The following ATP8A2 variants were observed in gnomAD, a reference collection of about 807,000 sequenced individuals.
ATP8A2 encodes the protein phospholipid-transporting ATPase IB.
ATP8A2 carries 100 observed loss-of-function variants against 165.6 expected under a neutral mutation model. The observed-to-expected ratio is 0.60, with a 90% confidence interval of 0.51 to 0.71. The LOEUF (loss-of-function observed/expected upper bound fraction) is 0.71, where lower values mean the gene tolerates loss of function less well. Among genes scored for constraint, ATP8A2 ranks in the 30% least tolerant of loss-of-function variants. ATP8A2 has a pLI of 0.00. For missense variants in ATP8A2, 1,227 were observed against 1,479.5 expected, an observed-to-expected ratio of 0.83 and a Z score of 2.80; for synonymous variants, 543 against 548.8, an observed-to-expected ratio of 0.99 and a Z score of 0.15.
At chr13:25,383,430 T>A (rs1313249944) in intron 1 of ATP8A2, among the ~76,000 whole-genome samples, 1 of 152,204 alleles carries the variant, frequency 6.6e-6, no homozygotes, top group Non-Finnish European at 1.5e-5. Flanking sequence ...TTTCCTAGTT[T>A]TGAGTTTGAA....
chr13:25,718,684 A>G (rs1172015710), intron 25 of ATP8A2, among the ~76,000 whole-genome samples: 1 of 152,230 alleles, frequency 6.6e-6, no homozygotes. Flanking sequence ...CAGAGTGTGA[A>G]TCACAGAAAG....
At chr13:25,482,145 A>C (rs537334775) in intron 2 of ATP8A2, among the ~76,000 whole-genome samples, 1 of 152,302 alleles carries the variant, frequency 6.6e-6, no homozygotes, top group South Asian at 2.1e-4. Context: ...CTCTGATAGC[A>C]TCTTCCCAAA....
intron 28 of ATP8A2, among the ~76,000 whole-genome samples, 165 bp downstream of exon 28, chr13:25,828,357 A>G (rs1331328513): frequency 6.6e-6 from 1 of 152,208 alleles, no homozygotes; most frequent in Non-Finnish European, 1.5e-5. Flanking sequence ...CATCCTGCAG[A>G]AGCCCAAACT....
intron 2 of ATP8A2, among the ~76,000 whole-genome samples, chr13:25,504,669 A>G (rs1402593322): frequency 7.0e-6 from 1 of 141,946 alleles, no homozygotes; most frequent in Non-Finnish European, 1.5e-5. Context: ...GAACCCGGGA[A>G]GCGGAGCTTG....
chr13:25,600,899 A>T (rs2138369871), intron 24 of ATP8A2, among the ~76,000 whole-genome samples: 1 of 152,324 alleles, frequency 6.6e-6, no homozygotes, highest in East Asian at 1.9e-4. Context: ...TGTAGGCAGG[A>T]AGTAGGCATC....
chr13:25,784,282 G>C (rs2044965700), intron 27 of ATP8A2, among the ~76,000 whole-genome samples: 1 of 152,172 alleles, frequency 6.6e-6, no homozygotes, highest in Admixed American at 6.5e-5. Context: ...AGAACTTCCA[G>C]GGCTCACGTG....
At chr13:25,726,078 G>C (rs906445935) in intron 25 of ATP8A2, among the ~76,000 whole-genome samples, 1 of 152,120 alleles carries the variant, frequency 6.6e-6, no homozygotes, top group Non-Finnish European at 1.5e-5. Flanking sequence ...AAATATTTTG[G>C]ACCCGTTTGT....
At chr13:25,702,159 T>G (rs989581500) in intron 25 of ATP8A2, among the ~76,000 whole-genome samples, 1 of 152,180 alleles carries the variant, frequency 6.6e-6, no homozygotes, top group Non-Finnish European at 1.5e-5. Flanking sequence ...CAAAATATAA[T>G]AGTTGTGAGA....
intron 33 of ATP8A2, among the ~76,000 whole-genome samples, chr13:25,877,209 T>C (rs1349550263): frequency 6.6e-6 from 1 of 152,174 alleles, no homozygotes; most frequent in African/African-American, 2.4e-5. Context: ...CCAGATGCCA[T>C]TTTAGGCCAC....
chr13:25,795,985 T>C (rs979428386), intron 27 of ATP8A2, among the ~76,000 whole-genome samples: 5 of 152,020 alleles, frequency 3.3e-5, no homozygotes, highest in Non-Finnish European at 7.4e-5. Flanking sequence ...GGTCTTGCTC[T>C]GTCACCCAGG....
intron 1 of ATP8A2, among the ~76,000 whole-genome samples, chr13:25,410,897 C>T (rs2033946139): frequency 1.3e-5 from 2 of 152,202 alleles, no homozygotes; most frequent in Admixed American, 6.5e-5. Context: ...TTTTCACAAC[C>T]ACTCCTTTAA....
In ATP8A2 at chr13:25,632,744, T is replaced by C. The variant is rs540145880; in HGVS notation, c.2211+43045T>C. 9.2e-5 allele frequency among the ~76,000 whole-genome samples: 14 copies of C among 152,208 alleles called. No homozygotes were observed. In the South Asian group the frequency reaches 2.7e-3, roughly 29 times the overall value. On this transcript the variant is annotated intron_variant, in intron 24 of 36. Coordinates refer to ENST00000381655, the MANE Select transcript of ATP8A2 (RefSeq NM_016529.6). ...TGTGGGCCAGTCCCCTGGGAGTACCTTTAATTTGGTAGAGATTCAGAGGAA... is the reference window on the plus strand; with the variant it reads ...TGTGGGCCAGTCCCCTGGGAGTACCCTTAATTTGGTAGAGATTCAGAGGAA...
At chr13:25,472,843 C>T (rs1165223947) in intron 2 of ATP8A2, among the ~76,000 whole-genome samples, 1 of 152,204 alleles carries the variant, frequency 6.6e-6, no homozygotes, top group African/African-American at 2.4e-5. Flanking sequence ...CTACTTTCCT[C>T]AACCCTAAGC....
At chr13:25,901,763 G>A (rs951322295) in intron 33 of ATP8A2, among the ~76,000 whole-genome samples, 11 of 152,194 alleles carry the variant, frequency 7.2e-5, no homozygotes, top group African/African-American at 9.7e-5. Context: ...TAGTAAAGCC[G>A]TGTAGGCTTG....
intron 2 of ATP8A2, among the ~76,000 whole-genome samples, chr13:25,513,284 C>T (rs571110153): frequency 0.012 from 1,726 of 144,566 alleles, 33 homozygotes; most frequent in African/African-American, 0.041. Context: ...CAGACGGGGT[C>T]GCGGCCGGGT....
intron 30 of ATP8A2, among the ~76,000 whole-genome samples, chr13:25,857,573 T>TTCCC (rs2138741116): frequency 7.3e-6 from 1 of 137,228 alleles, no homozygotes; most frequent in African/African-American, 2.8e-5. Context: ...TTTTTTCCTT[T>TTCCC]TTTTTTTTTT....
chr13:25,906,325 A>G (rs1282241209), intron 33 of ATP8A2, among the ~76,000 whole-genome samples: 2 of 139,160 alleles, frequency 1.4e-5, no homozygotes, highest in Non-Finnish European at 3.0e-5. Flanking sequence ...CTTCTTTTGT[A>G]TTACAGCTAC....
chr13:25,671,316 A>C lies in ATP8A2; in HGVS notation c.2212-27857A>C, dbSNP rs9581413. Among the ~76,000 whole-genome samples, 1,114 of 152,302 alleles carry C rather than the reference A, an allele frequency of 7.3e-3. 13 individuals carry two copies. The highest frequency in any genetic ancestry group is 0.025 in the African/African-American group (1,042 of 41,550). On this transcript the variant is annotated intron_variant, in intron 24 of 36. Coordinates refer to ENST00000381655, the MANE Select transcript of ATP8A2 (RefSeq NM_016529.6). ...ATTGCATTAACTGTACAAATTGTAC[A>C]GCATGTGTGTTTGAGCAGTATGAAA...
At chr13:25,459,868 A>G (rs2035459570) in intron 1 of ATP8A2, among the ~76,000 whole-genome samples, 1 of 152,116 alleles carries the variant, frequency 6.6e-6, no homozygotes, top group Admixed American at 6.6e-5. Context: ...GGTTGCAGTG[A>G]AGCCATGAGC....
Sources: allele counts gnomAD v4.1 joint callset (sites outside exome capture counted in the v4.1 genomes callset), GRCh38; gene constraint gnomAD v4.1.1; transcripts MANE v1.5; gene names NCBI Gene and HGNC (gene_info 2026-07-23, HGNC 2026-07-21).